Variants in FRMPD4 observed in about 807,000 individuals in gnomAD.
FRMPD4 encodes the protein FERM and PDZ domain-containing protein 4.
A neutral mutation model predicts 94.1 loss-of-function variants in FRMPD4; 22 were observed. That is an observed-to-expected ratio of 0.23 (90% CI 0.17 to 0.33). FRMPD4 has a LOEUF of 0.33. Among genes scored for constraint, FRMPD4 ranks in the 10% least tolerant of loss-of-function variants. FRMPD4 has a pLI of 1.00. For synonymous variants in FRMPD4, 631 were observed against 548.6 expected, an observed-to-expected ratio of 1.15 and a Z score of -2.10; for missense variants, 1,111 against 1,339.9, an observed-to-expected ratio of 0.83 and a Z score of 2.67.
intron 1 of FRMPD4, among the ~76,000 whole-genome samples, chrX:12,438,637 A>T (rs764208606): frequency 4.8e-4 from 53 of 111,238 alleles, no homozygotes; most frequent in African/African-American, 1.6e-3. Context: ...GGATTAATTC[A>T]GTGCATCACA....
At chrX:12,361,555 C>T (rs1055110927) in intron 1 of FRMPD4, among the ~76,000 whole-genome samples, 6 of 112,323 alleles carry the variant, frequency 5.3e-5, no homozygotes, top group Non-Finnish European at 1.1e-4. Flanking sequence ...GCTTTTTCTG[C>T]TCACAGGGAA....
chrX:12,103,759 A>C (rs1200013478), intron 3 of FRMPD4, among the ~76,000 whole-genome samples: 2 of 111,800 alleles, frequency 1.8e-5, no homozygotes, highest in African/African-American at 6.5e-5. Flanking sequence ...GAAAAATAAA[A>C]ATTGCTTGTA....
chrX:12,321,051 T>C (rs940645717), intron 1 of FRMPD4, among the ~76,000 whole-genome samples: 1 of 112,313 alleles, frequency 8.9e-6, no homozygotes, highest in Non-Finnish European at 1.9e-5. Context: ...ATTTTTTAAA[T>C]TGTAGAAAAT....
intron 1 of FRMPD4, among the ~76,000 whole-genome samples, chrX:12,275,163 C>A (rs2054417348): frequency 9.0e-6 from 1 of 111,298 alleles, no homozygotes; most frequent in Non-Finnish European, 1.9e-5. Flanking sequence ...GGGGGTGAAT[C>A]CCTCATGGCT....
chrX:12,363,426 G>A lies in FRMPD4; in HGVS notation c.42-135254G>A, dbSNP rs185597861. On this transcript the variant is annotated intron_variant, in intron 1 of 16. Transcript: ENST00000675598. Reference sequence around the variant, plus strand: ...TCACAGGGCATGGAATTTAGCAGTGGTTACATCTCAAGACTGTATAAGTCC... The same window carrying A: ...TCACAGGGCATGGAATTTAGCAGTGATTACATCTCAAGACTGTATAAGTCC... Among the ~76,000 whole-genome samples the A allele has an allele frequency of 1.3e-3, 150 of 112,724 alleles. No individual in the cohort carries two copies. The South Asian group carries it at 0.014, about 10-fold the overall frequency.
Position 12,718,325 on chromosome X carries a change from G to A in FRMPD4, c.3499G>A (p.Glu1167Lys). The A allele has an allele frequency of 8.3e-7, 1 of 1,211,359 alleles. No individual in the cohort carries two copies. The highest frequency in any genetic ancestry group is 1.1e-6 in the Non-Finnish European group (1 of 895,032). Residue 1167 changes from glutamate to lysine, a missense_variant, in exon 16 of 17, where the codon GAG becomes AAG. Glu to Lys is a moderately conservative substitution (Grantham distance 56). This residue lies in a region of FRMPD4 where 551 missense variants were observed against 591.6 expected (regional missense o/e 0.93). Transcript: ENST00000675598. ...TTCAGCCAAAGACTTAGATAACCCA[G>A]AGGACGCTGACTCGTCCACCTGCGA... The part of the protein sequence containing the change: ...ASSAKDLDNP[E>K]DADSSTCDHP...
At chrX:12,118,231 C>T (rs2055425283) in intron 3 of FRMPD4, among the ~76,000 whole-genome samples, 2 of 111,421 alleles carry the variant, frequency 1.8e-5, no homozygotes, top group African/African-American at 6.5e-5. Flanking sequence ...ATTGCCTTGT[C>T]TACTTACTAG....
intron 1 of FRMPD4, among the ~76,000 whole-genome samples, chrX:12,439,589 CTGTTT>C (rs1472828053): frequency 1.8e-5 from 2 of 111,638 alleles, no homozygotes; most frequent in East Asian, 5.6e-4. Context: ...GTAACCGAAA[CTGTTT>C]TATTATTACA....
At chrX:12,131,583 C>T (rs1159166815) in intron 3 of FRMPD4, among the ~76,000 whole-genome samples, 1 of 111,250 alleles carries the variant, frequency 9.0e-6, no homozygotes, top group Non-Finnish European at 1.9e-5. Flanking sequence ...TTTCTTATGC[C>T]CCATATAGCA....
At chrX:12,617,330 A>G (rs1379189998) in intron 4 of FRMPD4, among the ~76,000 whole-genome samples, 6 of 112,581 alleles carry the variant, frequency 5.3e-5, no homozygotes, top group Non-Finnish European at 9.4e-5. Context: ...GGGTATAGCC[A>G]TGTTTGCTCA....
intron 11 of FRMPD4, among the ~76,000 whole-genome samples, chrX:12,704,767 C>T (rs1381516818): frequency 8.9e-6 from 1 of 112,278 alleles, no homozygotes; most frequent in African/African-American, 3.2e-5. Flanking sequence ...GCCTCTGAGA[C>T]CTTGTGGATA....
At chrX:12,262,600 A>C (rs188021623) in intron 1 of FRMPD4, among the ~76,000 whole-genome samples, 116 of 112,299 alleles carry the variant, frequency 1.0e-3, no homozygotes, top group African/African-American at 3.6e-3. Flanking sequence ...AACATGTAGA[A>C]CAGTATTTGG....
At chrX:12,495,766 T>C in intron 1 of FRMPD4, among the ~76,000 whole-genome samples, 1 of 111,926 alleles carries the variant, frequency 8.9e-6, no homozygotes, top group African/African-American at 3.2e-5. Flanking sequence ...GGTAGAGTTA[T>C]GTGGAGCAGT....
At chrX:12,458,961 A>G (rs1226605351) in intron 1 of FRMPD4, among the ~76,000 whole-genome samples, 1 of 112,284 alleles carries the variant, frequency 8.9e-6, no homozygotes, top group Non-Finnish European at 1.9e-5. Context: ...AGGAAGAAGC[A>G]TAAGATGAAG....
At chrX:12,482,135 G>C (rs1472295691) in intron 1 of FRMPD4, among the ~76,000 whole-genome samples, 1 of 109,519 alleles carries the variant, frequency 9.1e-6, no homozygotes, top group East Asian at 2.8e-4. Context: ...GGGTGGCAGA[G>C]GCAGAACAAA....
At chrX:12,684,454 A>C (rs2060001478) in intron 6 of FRMPD4, among the ~76,000 whole-genome samples, 2 of 111,740 alleles carry the variant, frequency 1.8e-5, no homozygotes, top group African/African-American at 6.5e-5. Flanking sequence ...TGGGCAAGGC[A>C]CTCATGCTCC....
At chrX:11,998,062 A>T (rs751083570) in intron 3 of FRMPD4, among the ~76,000 whole-genome samples, 22 of 111,676 alleles carry the variant, frequency 2.0e-4, no homozygotes, top group Admixed American at 1.9e-4. Flanking sequence ...TTTCCAATTC[A>T]TCATGAAGTT....
At chrX:12,360,908 C>G (rs1165937023) in intron 1 of FRMPD4, among the ~76,000 whole-genome samples, 1 of 102,398 alleles carries the variant, frequency 9.8e-6, no homozygotes, top group Non-Finnish European at 2.0e-5. Flanking sequence ...ACATCTGTAG[C>G]TTCTTGTATT....
At chrX:12,302,179 G>A (rs946858213) in intron 1 of FRMPD4, among the ~76,000 whole-genome samples, 6 of 111,690 alleles carry the variant, frequency 5.4e-5, no homozygotes, top group African/African-American at 1.3e-4. Flanking sequence ...TGCTATTTGC[G>A]AGGGGTCACC....
Sources: gnomAD v4.1 joint callset for allele counts (sites outside exome capture counted in the v4.1 genomes callset) on GRCh38, gnomAD v4.1.1 for gene constraint, gnomAD v4.1.1 regional missense constraint, MANE v1.5 for transcripts, NCBI Gene and HGNC (gene_info 2026-07-23, HGNC 2026-07-21) for gene names.